Variants in SORCS2 observed in about 807,000 individuals in gnomAD.
The protein encoded by SORCS2 is VPS10 domain-containing receptor SorCS2.
In SORCS2, 100 loss-of-function variants were observed where a neutral mutation model predicts 141.6. The ratio of observed to expected loss-of-function variants is 0.71; its 90% confidence interval spans 0.60 to 0.83. The LOEUF (loss-of-function observed/expected upper bound fraction) is 0.83. SORCS2 is among the 40% of genes least tolerant of loss of function. The pLI is 0.00. For missense variants in SORCS2, 1,646 were observed against 1,560.2 expected, an observed-to-expected ratio of 1.05 and a Z score of -0.93; for synonymous variants, 789 against 676.9, an observed-to-expected ratio of 1.17 and a Z score of -2.57.
chr4:7,330,967 G>A (rs1269378079), intron 1 of SORCS2, among the ~76,000 whole-genome samples: 1 of 152,154 alleles, frequency 6.6e-6, no homozygotes, highest in Non-Finnish European at 1.5e-5. Context: ...TCACCCTCCT[G>A]CGAGGGAGAG....
At chr4:7,521,676 C>G (rs1323649433) in intron 2 of SORCS2, among the ~76,000 whole-genome samples, 3 of 152,262 alleles carry the variant, frequency 2.0e-5, no homozygotes, top group African/African-American at 7.2e-5. Flanking sequence ...GAAAACACAT[C>G]TGCAGCACCT....
chr4:7,344,335 CTAGTTTA>C (rs1720531007), intron 1 of SORCS2, among the ~76,000 whole-genome samples: 2 of 152,216 alleles, frequency 1.3e-5, no homozygotes, highest in African/African-American at 4.8e-5. Flanking sequence ...GGAGCCGGGG[CTAGTTTA>C]TCCCATGGAG....
chr4:7,354,030 T>G (rs1249166917), intron 1 of SORCS2, among the ~76,000 whole-genome samples: 2 of 152,080 alleles, frequency 1.3e-5, no homozygotes, highest in Non-Finnish European at 2.9e-5. Context: ...CCGCACCACT[T>G]CTCTCTCTCT....
In SORCS2 at chr4:7,374,162, T is replaced by C. The variant is rs184322178; in HGVS notation, c.481-22126T>C. ...TTCTTTCTTTCTTTCTTTCTTTCTT[T>C]CTTTCTTTCTTTCTTTCTTTCTTTC... On this transcript the variant is annotated intron_variant, in intron 1 of 26. Transcript: ENST00000507866. Among the ~76,000 whole-genome samples the C allele has an allele frequency of 6.2e-3, 919 of 147,860 alleles. 7 individuals carry two copies. The highest frequency in any genetic ancestry group is 9.4e-3 in the Non-Finnish European group (634 of 67,140).
chr4:7,229,942 C>T (rs1711716444), intron 1 of SORCS2, among the ~76,000 whole-genome samples: 3 of 144,764 alleles, frequency 2.1e-5, no homozygotes, highest in Non-Finnish European at 3.0e-5. Context: ...TGGGCAGGAG[C>T]AGTGTCATGT....
intron 1 of SORCS2, among the ~76,000 whole-genome samples, chr4:7,236,722 C>A (rs927050282): frequency 4.6e-5 from 7 of 152,200 alleles, no homozygotes; most frequent in Admixed American, 1.3e-4. Flanking sequence ...GCTGGGACTA[C>A]AGGCACGTGC....
chr4:7,368,556 C>T (rs1459192517), intron 1 of SORCS2, among the ~76,000 whole-genome samples: 1 of 152,210 alleles, frequency 6.6e-6, no homozygotes, highest in Non-Finnish European at 1.5e-5. Context: ...CCCAGCCACG[C>T]CTCTCTTTAG....
chr4:7,254,627 G>A (rs369744154), intron 1 of SORCS2, among the ~76,000 whole-genome samples: 3 of 152,148 alleles, frequency 2.0e-5, no homozygotes, highest in Non-Finnish European at 4.4e-5. Context: ...TTGCACATGT[G>A]CCCTATAAAT....
At chr4:7,377,080 G>C (rs890990540) in intron 1 of SORCS2, among the ~76,000 whole-genome samples, 1 of 152,210 alleles carries the variant, frequency 6.6e-6, no homozygotes, top group Non-Finnish European at 1.5e-5. Context: ...TATGCGTGTG[G>C]AAGTATAGGG....
chr4:7,681,582 G>T (rs943934152), intron 9 of SORCS2, among the ~76,000 whole-genome samples: 2 of 152,214 alleles, frequency 1.3e-5, no homozygotes, highest in Non-Finnish European at 2.9e-5. Flanking sequence ...CTGCCCTCCA[G>T]AGCTGTGGGA....
At chr4:7,475,476 C>T (rs1272118299) in intron 2 of SORCS2, among the ~76,000 whole-genome samples, 5 of 152,182 alleles carry the variant, frequency 3.3e-5, no homozygotes, top group Non-Finnish European at 5.9e-5. Context: ...TGTGCAGCAG[C>T]CACAGGAGTG....
chr4:7,381,852 T>A (rs1385755934), intron 1 of SORCS2: 1 of 966,476 alleles, frequency 1.0e-6, no homozygotes. Context: ...AGCCTTAGGC[T>A]CCAGGATGGG....
intron 1 of SORCS2, chr4:7,381,817 C>A (rs780661718): frequency 1.6e-3 from 1,219 of 754,212 alleles, no homozygotes; most frequent in Non-Finnish European, 1.9e-3. Flanking sequence ...TGAAGGCCAC[C>A]ATGTGCCAGG....
chr4:7,265,316 A>G (rs1337746765), intron 1 of SORCS2, among the ~76,000 whole-genome samples: 2 of 151,740 alleles, frequency 1.3e-5, no homozygotes, highest in Admixed American at 6.6e-5. Context: ...CATGGTGAAA[A>G]CCTGTCTCTA....
chr4:7,709,925 G>A (rs947664402), intron 14 of SORCS2, among the ~76,000 whole-genome samples: 5 of 152,144 alleles, frequency 3.3e-5, no homozygotes, highest in African/African-American at 1.2e-4. Context: ...CCCTCGCAGC[G>A]TGGCCCATTT....
chr4:7,642,953 A>G (rs1282021370), intron 4 of SORCS2, among the ~76,000 whole-genome samples: 6 of 152,228 alleles, frequency 3.9e-5, no homozygotes, highest in African/African-American at 1.4e-4. Flanking sequence ...AAAGCAAGTC[A>G]CATGACAAGC....
chr4:7,577,942 T>G (rs1010758735), intron 3 of SORCS2, among the ~76,000 whole-genome samples: 3 of 151,506 alleles, frequency 2.0e-5, no homozygotes, highest in African/African-American at 7.3e-5. Context: ...TTTGGAGAAG[T>G]CATATAGCAT....
At chr4:7,733,135 C>A (rs142497105) in intron 23 of SORCS2, among the ~76,000 whole-genome samples, 187 bp from the exon 24 acceptor site, 2 of 150,676 alleles carry the variant, frequency 1.3e-5, no homozygotes, top group East Asian at 2.0e-4. Context: ...CCTTCCTCCC[C>A]TTTCACCTGT....
intron 2 of SORCS2, among the ~76,000 whole-genome samples, chr4:7,529,075 C>G (rs1733869094): frequency 6.6e-6 from 1 of 152,242 alleles, no homozygotes; most frequent in South Asian, 2.1e-4. Context: ...CTAATTGCAT[C>G]TGCAGAGACC....
Sources: gnomAD v4.1 joint callset for allele counts (sites outside exome capture counted in the v4.1 genomes callset) on GRCh38, gnomAD v4.1.1 for gene constraint, MANE v1.5 for transcripts, NCBI Gene and HGNC (gene_info 2026-07-23, HGNC 2026-07-21) for gene names.